Variants in MTHFSD observed in about 807,000 individuals in gnomAD.
MTHFSD encodes the protein methenyltetrahydrofolate synthase domain-containing protein.
A neutral mutation model predicts 31.1 loss-of-function variants in MTHFSD; 37 were observed. That is an observed-to-expected ratio of 1.19 (90% CI 0.91 to 1.56). The LOEUF is 1.56. Ranked by LOEUF, MTHFSD falls within the 40% of genes most tolerant of loss-of-function variation. The probability of loss-of-function intolerance (pLI) is 0.00; values close to 1 mark genes in which losing one functional copy is unlikely to be tolerated. For missense variants in MTHFSD, 664 were observed against 510.1 expected (o/e 1.30, Z -2.91); for synonymous variants, 221 against 206.9 (o/e 1.07, Z -0.59).
intron 3 of MTHFSD, among the ~76,000 whole-genome samples, chr16:86,551,224 A>C (rs1469427453): frequency 6.6e-6 from 1 of 152,242 alleles, no homozygotes; most frequent in Non-Finnish European, 1.5e-5. Context: ...ATATTGAATT[A>C]GTTTATAATA....
chr16:86,546,369 T>C (rs1972305173), intron 5 of MTHFSD, among the ~76,000 whole-genome samples, 190 bp downstream of exon 5: 1 of 152,226 alleles, frequency 6.6e-6, no homozygotes, highest in Non-Finnish European at 1.5e-5. Context: ...TGTACACATG[T>C]TGGGCTGGGG....
chr16:86,539,329 C>A (rs142179441), intron 7 of MTHFSD, among the ~76,000 whole-genome samples: 15 of 152,300 alleles, frequency 9.8e-5, no homozygotes, highest in African/African-American at 3.6e-4. Context: ...CCAGAAGGAC[C>A]ATCCTAAGAA....
chr16:86,548,594 A>G lies in MTHFSD; in HGVS notation c.238-17T>C, dbSNP rs1972673696. 1 of 1,576,812 alleles carries G rather than the reference A, an allele frequency of 6.3e-7. No homozygotes were observed. Among genetic ancestry groups the G allele is most frequent in the South Asian group, 1.2e-5 (1 of 85,986 alleles). The stretch of plus-strand genomic sequence containing the variant: ...TTTTTTGCTCTTTTAAAGAAAAGAC[A>G]ATCAATAAATTACAAAATCAAATTA... On this transcript the variant is annotated splice_polypyrimidine_tract_variant and intron_variant, in intron 3 of 7. Coordinates refer to ENST00000360900, the MANE Select transcript of MTHFSD (RefSeq NM_001159377.2).
At chr16:86,536,845 C>T (rs1438093448) in intron 7 of MTHFSD, among the ~76,000 whole-genome samples, 1 of 152,250 alleles carries the variant, frequency 6.6e-6, no homozygotes, top group Non-Finnish European at 1.5e-5. Context: ...TGTCTCACTT[C>T]CGCACTTGGG....
chr16:86,531,770 T>A lies in MTHFSD; in HGVS notation c.*241A>T, dbSNP rs1040622445. 1.4e-5 allele frequency: 5 copies of A among 369,074 alleles called. No homozygotes were observed. Among genetic ancestry groups the A allele is most frequent in the Non-Finnish European group, 2.4e-5 (5 of 207,056 alleles). 22.9% of individuals were successfully genotyped at this position (369,074 alleles called of 1,614,324 possible). On this transcript the variant is annotated 3_prime_UTR_variant, in exon 8 of 8. Coordinates refer to ENST00000360900, the MANE Select transcript of MTHFSD (RefSeq NM_001159377.2). This position sits in a 1 kb window ranked among gnomAD's most constrained non-coding sequence, Gnocchi z 5.5. ...CAGAAACCGACTCAAGGCCCGAGCCTGCACGATTGGGAGGCTGCAGTCTCT... is the reference window on the plus strand; with the variant it reads ...CAGAAACCGACTCAAGGCCCGAGCCAGCACGATTGGGAGGCTGCAGTCTCT...
At chr16:86,534,260 A>G (rs1970373288) in intron 7 of MTHFSD, among the ~76,000 whole-genome samples, 2 of 152,172 alleles carry the variant, frequency 1.3e-5, no homozygotes, top group South Asian at 4.2e-4. Context: ...GAGGAGACTA[A>G]ACTCACAGAG....
chr16:86,548,878 C>A (rs1376241044), intron 3 of MTHFSD, among the ~76,000 whole-genome samples: 2 of 152,182 alleles, frequency 1.3e-5, no homozygotes, highest in African/African-American at 4.8e-5. Context: ...CAACAGAAAT[C>A]CAAACTAAGG....
intron 5 of MTHFSD, among the ~76,000 whole-genome samples, chr16:86,543,400 GC>G (rs1971805985): frequency 6.6e-6 from 1 of 152,208 alleles, no homozygotes; most frequent in African/African-American, 2.4e-5. Context: ...CCCATGGATA[GC>G]CCCAAAGGTG....
intron 2 of MTHFSD, among the ~76,000 whole-genome samples, chr16:86,554,375 G>A (rs1381132291): frequency 1.3e-5 from 2 of 152,170 alleles, no homozygotes; most frequent in South Asian, 4.1e-4. Flanking sequence ...CTTGAAGTCA[G>A]TGAGACCAAG....
chr16:86,533,514 T>C (rs1970255599), intron 7 of MTHFSD: 1 of 152,212 alleles, frequency 6.6e-6, no homozygotes, highest in South Asian at 2.1e-4. Context: ...CAGAAGTGAA[T>C]ATGTCGCAGT....
At chr16:86,537,607 T>G (rs895650134) in intron 7 of MTHFSD, among the ~76,000 whole-genome samples, 4 of 152,236 alleles carry the variant, frequency 2.6e-5, no homozygotes, top group African/African-American at 9.6e-5. Flanking sequence ...TGGTTCACAG[T>G]TAGCTGCATT....
intron 4 of MTHFSD, chr16:86,548,067 T>C (rs931283803): frequency 1.9e-5 from 24 of 1,290,512 alleles, no homozygotes; most frequent in Non-Finnish European, 2.0e-5. Flanking sequence ...CAATGGAGCA[T>C]GTTTTGGAAA....
chr16:86,535,327 T>TGATGG (rs1420314040), intron 7 of MTHFSD: 1 of 915,764 alleles, frequency 1.1e-6, no homozygotes, highest in East Asian at 1.5e-4. Flanking sequence ...CCTCAAGCTC[T>TGATGG]AATGGCTGTG....
intron 7 of MTHFSD, chr16:86,540,917 C>A (rs2143565962): frequency 8.8e-7 from 1 of 1,134,466 alleles, no homozygotes. Context: ...CCCGGCTGGG[C>A]TGTGGCAAAA....
At chr16:86,541,283 A>C in intron 7 of MTHFSD, 1 of 1,093,218 alleles carries the variant, frequency 9.1e-7, no homozygotes, top group Non-Finnish European at 1.2e-6. Context: ...GAAGATCCAG[A>C]TCGTCAGTAA....
At chr16:86,540,580 C>T in intron 7 of MTHFSD, 2 of 747,096 alleles carry the variant, frequency 2.7e-6, no homozygotes, top group Non-Finnish European at 3.3e-6. Flanking sequence ...TGGCTAATGC[C>T]CTTGTGCAAC....
intron 7 of MTHFSD, among the ~76,000 whole-genome samples, chr16:86,539,507 G>A (rs149643117): frequency 2.6e-5 from 4 of 152,350 alleles, no homozygotes; most frequent in East Asian, 3.9e-4. Context: ...TAAGACAAAC[G>A]AGAGGGCTTG....
intron 5 of MTHFSD, among the ~76,000 whole-genome samples, chr16:86,545,982 G>A (rs563756286): frequency 6.6e-6 from 1 of 152,386 alleles, no homozygotes; most frequent in South Asian, 2.1e-4. Context: ...AAGAGGTGGT[G>A]TGGTGACCCT....
chr16:86,542,053 T>A lies in MTHFSD; in HGVS notation c.555+48A>T, dbSNP rs758583050. ...GTCTCCTTCCCCACCCCCTGCTCCCTCAGAAGAGAATGGCAGTGGCTCTGC... is the reference window on the plus strand; with the variant it reads ...GTCTCCTTCCCCACCCCCTGCTCCCACAGAAGAGAATGGCAGTGGCTCTGC... On this transcript the variant is annotated intron_variant, in intron 6 of 7. Transcript: ENST00000360900. This position sits in a 1 kb window ranked among gnomAD's most constrained non-coding sequence, Gnocchi z 4.6. 1.0e-5 allele frequency: 16 copies of A among 1,553,160 alleles called. No homozygotes were observed. The highest frequency in any genetic ancestry group is 1.4e-5 in the Non-Finnish European group (16 of 1,129,160).
Sources: allele counts gnomAD v4.1 joint callset (sites outside exome capture counted in the v4.1 genomes callset), GRCh38; gene constraint gnomAD v4.1.1; non-coding constraint Gnocchi (gnomAD v3.1); transcripts MANE v1.5; gene names NCBI Gene and HGNC (gene_info 2026-07-23, HGNC 2026-07-21).